Variants in FER1L5 observed in about 807,000 individuals in gnomAD.
The protein encoded by FER1L5 is fer-1-like protein 5.
In FER1L5, 187 loss-of-function variants were observed where a neutral mutation model predicts 279.9. The observed-to-expected ratio is 0.67, with a 90% confidence interval of 0.59 to 0.75. The LOEUF is 0.75. Ranked by LOEUF, FER1L5 falls within the 30% of genes least tolerant of loss-of-function variation. The probability of loss-of-function intolerance (pLI) is 0.00; values close to 1 mark genes in which losing one functional copy is unlikely to be tolerated. For synonymous variants in FER1L5, 921 were observed against 989.7 expected (o/e 0.93, Z 1.30); for missense variants, 2,091 against 2,594.4 (o/e 0.81, Z 4.21).
chr2:96,690,706 G>A, intron 27 of FER1L5, 117 bp downstream of exon 27: 1 of 886,084 alleles, frequency 1.1e-6, no homozygotes, highest in East Asian at 2.7e-5. Context: ...AATTCCTGGG[G>A]CCCCCTGGCC....
chr2:96,698,603 C>A lies in FER1L5; in HGVS notation c.4357-68C>A. 2 of 1,365,436 alleles carry A rather than the reference C, an allele frequency of 1.5e-6. No individual in the cohort carries two copies. Among genetic ancestry groups the A allele is most frequent in the Non-Finnish European group, 2.0e-6 (2 of 988,922 alleles). The allele number at this position is 1,365,436 out of a possible 1,614,324, so 84.6% of individuals were successfully genotyped here. On this transcript the variant is annotated intron_variant, in intron 40 of 52. Transcript: ENST00000624922. The surrounding 1 kb of genome is among the most constrained non-coding windows in gnomAD (Gnocchi z 5.5). ...CTCTCCTGAACATGGGCTGGGGCACCTCCCAGAGGGCTTTACAGAGCTGGC... is the reference window on the plus strand; with the variant it reads ...CTCTCCTGAACATGGGCTGGGGCACATCCCAGAGGGCTTTACAGAGCTGGC...
rs1027466375 is a variant in FER1L5, at chr2:96,647,290, G to C, written c.230+135G>C. 3.1e-6 allele frequency: 3 copies of C among 980,432 alleles called. No homozygotes were observed. In the African/African-American group the frequency reaches 4.9e-5, roughly 16 times the overall value. 60.7% of individuals were successfully genotyped at this position (980,432 alleles called of 1,614,324 possible). A position where few individuals can be genotyped will look rare whatever the true frequency, so the allele number is the denominator to read the frequency against. On this transcript the variant is annotated intron_variant, in intron 3 of 52. Transcript: ENST00000624922. ...TCCAGCCAGCTAAAAAGAAAAAAGA[G>C]GGGTGGGTACTGAAAGGGTAGCCAG...
chr2:96,697,387 A>T (rs979437848), intron 37 of FER1L5, 139 bp from the exon 38 acceptor site: 8 of 844,468 alleles, frequency 9.5e-6, no homozygotes, highest in Non-Finnish European at 1.5e-5. Context: ...ATTTCTAAAG[A>T]CCCCTGAATT....
At chr2:96,693,460 CT>C in intron 31 of FER1L5, 45 bp from the exon 32 acceptor site, 20 of 1,504,236 alleles carry the variant, frequency 1.3e-5, no homozygotes, top group Non-Finnish European at 1.8e-5. Flanking sequence ...AGGAAAGCCC[CT>C]CTTCCCAGCT....
Position 96,702,091 on chromosome 2 carries a change from T to C in FER1L5, c.5159+48T>C. ...ACTGCTGCATTTCACAGTTCAGAAC[T>C]CCCCCAGTGCAGGGCACCACTGTCC... On this transcript the variant is annotated intron_variant, in intron 46 of 52. Transcript: ENST00000624922. The surrounding 1 kb of genome is among the most constrained non-coding windows in gnomAD (Gnocchi z 4.0). 6.2e-7 allele frequency: 1 copy of C among 1,601,758 alleles called. No individual in the cohort carries two copies. Among genetic ancestry groups the C allele is most frequent in the East Asian group, 2.2e-5 (1 of 44,722 alleles).
intron 19 of FER1L5, among the ~76,000 whole-genome samples, chr2:96,675,204 TC>T (rs944919525): frequency 2.6e-5 from 4 of 152,192 alleles, no homozygotes; most frequent in Non-Finnish European, 4.4e-5. Flanking sequence ...TTAGGTTGTA[TC>T]TTTTTTTGCT....
Position 96,661,751 on chromosome 2 carries a change from C to A in FER1L5, c.978C>A (p.Tyr326Ter). 1 of 1,551,746 alleles carries A rather than the reference C, an allele frequency of 6.4e-7. No individual in the cohort carries two copies. The highest frequency in any genetic ancestry group is 1.2e-5 in the South Asian group (1 of 84,068). ...KSAVVPINMA[Y>*]LQLFIYCAED... ...CGGTAGTCCCGATCAACATGGCTTA[C>A]TTACAGCTCTTCATCTACTGCGCAG... Residue 326 changes from tyrosine (Y) to a stop codon, truncating the protein, a stop_gained, in exon 12 of 53, where the codon TAC (tyrosine) becomes TAA (stop). Transcript: ENST00000624922. LOFTEE classifies it high-confidence loss of function.
At chr2:96,700,562 G>A in intron 45 of FER1L5, 91 bp downstream of exon 45, 2 of 1,562,990 alleles carry the variant, frequency 1.3e-6, no homozygotes, top group Non-Finnish European at 1.7e-6. Flanking sequence ...TAGTCCACGA[G>A]AGGAGAAGGA....
chr2:96,694,568 C>T lies in FER1L5; in HGVS notation c.3741+104C>T, dbSNP rs772401151. 4 of 913,998 alleles carry T rather than the reference C, an allele frequency of 4.4e-6. No homozygotes were observed. The highest frequency in any genetic ancestry group is 6.2e-6 in the Non-Finnish European group (4 of 648,672). The allele number at this position is 913,998 out of a possible 1,614,324, so 56.6% of individuals were successfully genotyped here. A position where few individuals can be genotyped will look rare whatever the true frequency, so the allele number is the denominator to read the frequency against. ...CTCCCTGACTACTGGATCCAAAGCT[C>T]ACACCCCGAAAAAGACTACCTGGGA... On this transcript the variant is annotated intron_variant, in intron 34 of 52. Coordinates refer to ENST00000624922, the MANE Select transcript of FER1L5 (RefSeq NM_001293083.2). This position sits in a 1 kb window ranked among gnomAD's most constrained non-coding sequence, Gnocchi z 4.6.
At position 96,698,247 on chromosome 2, in the gene FER1L5, T is replaced by C; in HGVS notation, c.4356+91T>C. The C allele has an allele frequency of 1.4e-6, 2 of 1,463,000 alleles. No individual in the cohort carries two copies. The highest frequency in any genetic ancestry group is 1.4e-5 in the African/African-American group (1 of 70,610). 90.6% of individuals were successfully genotyped at this position (1,463,000 alleles called of 1,614,324 possible). Reference sequence around the variant, plus strand: ...TAAAAGCCCTGGCTCTATATGCTCATTGTGAAGATGGAGCAGGGCTTGAGA... The same window carrying C: ...TAAAAGCCCTGGCTCTATATGCTCACTGTGAAGATGGAGCAGGGCTTGAGA... On this transcript the variant is annotated intron_variant, in intron 40 of 52. Coordinates refer to ENST00000624922, the MANE Select transcript of FER1L5 (RefSeq NM_001293083.2). This position sits in a 1 kb window ranked among gnomAD's most constrained non-coding sequence, Gnocchi z 5.5.
chr2:96,661,671 G>C lies in FER1L5; in HGVS notation c.898G>C (p.Asp300His), dbSNP rs757282875. 3 of 1,551,750 alleles carry C rather than the reference G, an allele frequency of 1.9e-6. No homozygotes were observed. The highest frequency in any genetic ancestry group is 1.2e-5 in the South Asian group (1 of 84,066). Residue 300 changes from aspartate (D) to histidine (H), a missense_variant, in exon 12 of 53, where the codon GAT becomes CAT. By Grantham distance (81) the Asp-to-His change is moderately conservative. Transcript: ENST00000624922. ...ATCAGCTCTCTGGTCTCTCCAGATA[G>C]ATCAAAAGCTGCTCTATGGCACCGA... Reference protein sequence around the residue: ...ALGVGDQALIDQKLLYGTDDT... With the variant: ...ALGVGDQALIHQKLLYGTDDT...
intron 21 of FER1L5, 91 bp downstream of exon 21, chr2:96,685,520 C>A (rs570266509): frequency 4.6e-5 from 50 of 1,093,280 alleles, no homozygotes; most frequent in African/African-American, 2.4e-4. Context: ...AACACCTCCC[C>A]CCGCCCTCCT....
At position 96,692,141 on chromosome 2, in the gene FER1L5, GGC is replaced by G; in HGVS notation, c.3253_3254del (p.Ala1085ProfsTer71). ...ACCAGCTCTTCTGCTACATCTACCAGGCCCGGAACCTGGTGTCCAATCAGATC... is the reference window on the plus strand; with the variant it reads ...ACCAGCTCTTCTGCTACATCTACCAGCCGGAACCTGGTGTCCAATCAGATC... ...YYQLFCYIYQARNLVSNQILT... is the reference protein window; with the variant it reads ...YYQLFCYIYQXRNLVSNQILT... On this transcript the variant is annotated frameshift_variant, in exon 31 of 53. Transcript: ENST00000624922. LOFTEE classifies it high-confidence loss of function. The G allele has an allele frequency of 6.4e-7, 1 of 1,551,636 alleles. No individual in the cohort carries two copies. The highest frequency in any genetic ancestry group is 1.2e-5 in the South Asian group (1 of 84,066).
At chr2:96,667,925 A>G (rs189567474) in intron 14 of FER1L5, among the ~76,000 whole-genome samples, 1 of 152,148 alleles carries the variant, frequency 6.6e-6, no homozygotes, top group African/African-American at 2.4e-5. Context: ...CAGTGGCACG[A>G]TCATGGTTCA....
chr2:96,700,423 C>T lies in FER1L5; in HGVS notation c.5022C>T (p.His1674=), dbSNP rs764501397. 8.7e-6 allele frequency: 14 copies of T among 1,613,650 alleles called. No homozygotes were observed. Among genetic ancestry groups the T allele is most frequent in the East Asian group, 4.5e-5 (2 of 44,880 alleles). Residue 1674 remains histidine (H), a synonymous_variant, in exon 45 of 53, where the codon CAC becomes CAT. Transcript: ENST00000624922. Reference sequence around the variant, plus strand: ...ACACCCAGGGGCTGGTACCTGAGCACGTGGAGACCCGCACACTGTACAGCC... The same window carrying T: ...ACACCCAGGGGCTGGTACCTGAGCATGTGGAGACCCGCACACTGTACAGCC... ...LLHTQGLVPE[H]VETRTLYSHS... is the part of the protein sequence containing the mutation.
chr2:96,655,887 T>A (rs1020767998), intron 9 of FER1L5, among the ~76,000 whole-genome samples: 7 of 152,066 alleles, frequency 4.6e-5, no homozygotes, highest in African/African-American at 1.4e-4. Context: ...TTTTTAAAAA[T>A]TTTTTGTAGC....
chr2:96,655,109 A>C (rs777192756), intron 9 of FER1L5, among the ~76,000 whole-genome samples: 9 of 152,196 alleles, frequency 5.9e-5, no homozygotes, highest in African/African-American at 2.2e-4. Context: ...CACTCCCATG[A>C]TACTGTGGAC....
intron 27 of FER1L5, 148 bp downstream of exon 27, chr2:96,690,737 G>A (rs540511200): frequency 6.2e-5 from 42 of 678,700 alleles, no homozygotes; most frequent in African/African-American, 2.3e-4. Context: ...GGTCTCCAGC[G>A]TTTCCTTACA....
At chr2:96,668,655 T>C in intron 14 of FER1L5, 96 bp from the exon 15 acceptor site, 1 of 1,428,868 alleles carries the variant, frequency 7.0e-7, no homozygotes. Flanking sequence ...CAGGACTTGC[T>C]CCCAGACCCG....
Sources: allele counts gnomAD v4.1 joint callset (sites outside exome capture counted in the v4.1 genomes callset), GRCh38; gene constraint gnomAD v4.1.1; non-coding constraint Gnocchi (gnomAD v3.1); transcripts MANE v1.5; gene names NCBI Gene and HGNC (gene_info 2026-07-23, HGNC 2026-07-21).